TBC1D19: variants seen among roughly 807,000 people sequenced by gnomAD.
TBC1D19 encodes the protein TBC1 domain family member 19, also known as TBC1 domain family, member 19.
Under a neutral mutation model 89.0 loss-of-function variants are expected in TBC1D19, and 60 were observed. The observed-to-expected ratio is 0.67, with a 90% CI of 0.55 to 0.84. TBC1D19 has a LOEUF of 0.84. TBC1D19 is among the 40% of genes least tolerant of loss of function. The pLI is 0.00. For missense variants in TBC1D19, 500 were observed against 610.8 expected, an observed-to-expected ratio of 0.82 and a Z score of 1.91; for synonymous variants, 189 against 199.7, an observed-to-expected ratio of 0.95 and a Z score of 0.45.
chr4:26,851,927 G>C, the TBC1D19 span, among the ~76,000 whole-genome samples: 10 of 152,270 alleles, frequency 6.6e-5, no homozygotes, highest in Admixed American at 2.0e-4. Context: ...AGACAGAAAG[G>C]GTATGTCTGG....
At chr4:26,656,970 C>CTTCTTCTTCTTT (rs1744868660) in intron 7 of TBC1D19, among the ~76,000 whole-genome samples, 1 of 102,964 alleles carries the variant, frequency 9.7e-6, no homozygotes, top group African/African-American at 3.6e-5. Context: ...TCTTCTTCTT[C>CTTCTTCTTCTTT]TTCTTCTTCT....
At chr4:26,771,642 G>T in the TBC1D19 span, among the ~76,000 whole-genome samples, 3 of 152,104 alleles carry the variant, frequency 2.0e-5, no homozygotes, top group African/African-American at 4.8e-5. Context: ...AGTGGCTGTT[G>T]CCAGGGGATG....
chr4:26,842,648 T>TTTCTTTC, the TBC1D19 span, among the ~76,000 whole-genome samples: 394 of 132,182 alleles, frequency 3.0e-3, 5 homozygotes, highest in African/African-American at 0.011. Context: ...TTCTTTCTTT[T>TTTCTTTC]TCTTTCTTCT....
At chr4:26,745,100 A>G (rs560810550) in intron 18 of TBC1D19, among the ~76,000 whole-genome samples, 1 of 152,142 alleles carries the variant, frequency 6.6e-6, no homozygotes, top group East Asian at 1.9e-4. Context: ...TATTCCTAGT[A>G]ATAAATCTAC....
chr4:26,831,796 T>C, the TBC1D19 span, among the ~76,000 whole-genome samples: 1 of 152,220 alleles, frequency 6.6e-6, no homozygotes, highest in Admixed American at 6.5e-5. Context: ...TTTTACCGTG[T>C]TAGCCAGAAT....
At chr4:26,710,622 G>A (rs1017319504) in intron 13 of TBC1D19, among the ~76,000 whole-genome samples, 3 of 152,168 alleles carry the variant, frequency 2.0e-5, no homozygotes, top group African/African-American at 7.2e-5. Context: ...CTTCCACAAT[G>A]GTTGAACTAG....
chr4:26,765,839 T>C, the TBC1D19 span, among the ~76,000 whole-genome samples: 2 of 152,216 alleles, frequency 1.3e-5, no homozygotes, highest in African/African-American at 4.8e-5. Flanking sequence ...CTTCTGCCTA[T>C]TTGTTGTTTC....
chr4:26,815,904 A>G, the TBC1D19 span, among the ~76,000 whole-genome samples: 6 of 152,300 alleles, frequency 3.9e-5, no homozygotes, highest in African/African-American at 1.4e-4. Context: ...TAGTTCAGGA[A>G]CACTCCTGCC....
intron 7 of TBC1D19, among the ~76,000 whole-genome samples, chr4:26,652,011 A>T (rs139934320): frequency 3.3e-5 from 5 of 152,112 alleles, no homozygotes; most frequent in African/African-American, 1.2e-4. Flanking sequence ...ATGCTGGATT[A>T]CATTTATTGA....
chr4:26,613,342 T>C (rs570298579), intron 2 of TBC1D19, 101 bp downstream of exon 2: 1 of 732,202 alleles, frequency 1.4e-6, no homozygotes, highest in South Asian at 2.2e-5. Context: ...CTTACTTTGT[T>C]GTCGTTCTGT....
chr4:26,765,372 A>G, the TBC1D19 span, among the ~76,000 whole-genome samples: 2 of 151,756 alleles, frequency 1.3e-5, no homozygotes, highest in East Asian at 3.9e-4. Context: ...GAGACTGTGA[A>G]TAGATCTCCA....
intron 11 of TBC1D19, among the ~76,000 whole-genome samples, chr4:26,679,351 A>C (rs1713128186): frequency 6.6e-6 from 1 of 152,238 alleles, no homozygotes; most frequent in Non-Finnish European, 1.5e-5. Context: ...CCACTGCTTC[A>C]GAGGGTGCAA....
At chr4:26,742,476 CTATT>C in intron 17 of TBC1D19, 28 bp from the exon 18 acceptor site, 1 of 1,495,066 alleles carries the variant, frequency 6.7e-7, no homozygotes, top group Non-Finnish European at 9.1e-7. Flanking sequence ...ATTAAAATAT[CTATT>C]TCTCTTATGA....
intron 7 of TBC1D19, among the ~76,000 whole-genome samples, chr4:26,656,732 G>C (rs1252447646): frequency 6.6e-6 from 1 of 151,808 alleles, no homozygotes; most frequent in Non-Finnish European, 1.5e-5. Flanking sequence ...CTAATTTTTT[G>C]TATTTTAGTA....
chr4:26,764,439 G>GT, the TBC1D19 span, among the ~76,000 whole-genome samples: 1 of 152,254 alleles, frequency 6.6e-6, no homozygotes, highest in South Asian at 2.1e-4. Context: ...GTCTAACTCA[G>GT]TTTTTAAAAG....
At chr4:26,605,349 C>T (rs1740924694) in intron 1 of TBC1D19, among the ~76,000 whole-genome samples, 1 of 150,572 alleles carries the variant, frequency 6.6e-6, no homozygotes, top group Non-Finnish European at 1.5e-5. Flanking sequence ...TGATGATTTC[C>T]AATTTCATCC....
At chr4:26,714,900 T>C (rs1716486495) in intron 13 of TBC1D19, among the ~76,000 whole-genome samples, 1 of 152,042 alleles carries the variant, frequency 6.6e-6, no homozygotes, top group East Asian at 1.9e-4. Flanking sequence ...AATCCACCTT[T>C]GATGGTTACT....
At chr4:26,588,639 T>A (rs1323117576) in intron 1 of TBC1D19, among the ~76,000 whole-genome samples, 2 of 152,160 alleles carry the variant, frequency 1.3e-5, no homozygotes, top group East Asian at 3.8e-4. Context: ...TTTAAAAAAA[T>A]TCTCTTGTGA....
intron 1 of TBC1D19, among the ~76,000 whole-genome samples, chr4:26,605,001 A>T (rs1740891231): frequency 6.6e-6 from 1 of 152,086 alleles, no homozygotes; most frequent in Admixed American, 6.5e-5. Flanking sequence ...ACTGAATCAT[A>T]TGAACTCTAT....
Sources: gnomAD v4.1 joint callset for allele counts (sites outside exome capture counted in the v4.1 genomes callset) on GRCh38, gnomAD v4.1.1 for gene constraint, MANE v1.5 for transcripts, NCBI Gene and HGNC (gene_info 2026-07-23, HGNC 2026-07-21) for gene names.